TEKT3: variants seen among roughly 807,000 people sequenced by gnomAD.
TEKT3 encodes the protein tektin 3.
TEKT3 carries 49 observed loss-of-function variants against 49.8 expected under a neutral mutation model. The ratio of observed to expected loss-of-function variants is 0.98; its 90% CI spans 0.78 to 1.25. The LOEUF is 1.25. TEKT3 is among the 50% of genes most tolerant of loss of function. The pLI is 0.00. For synonymous variants in TEKT3, 225 were observed against 237.2 expected (o/e 0.95, Z 0.47); for missense variants, 595 against 629.5 (o/e 0.95, Z 0.59).
Position 15,331,390 on chromosome 17 carries a change from C to A in TEKT3, c.196G>T (p.Ala66Ser). 1 of 1,614,052 alleles carries A rather than the reference C, an allele frequency of 6.2e-7. No individual in the cohort carries two copies. The highest frequency in any genetic ancestry group is 8.5e-7 in the Non-Finnish European group (1 of 1,180,006). ...YKVASNSPSV[A>S]PYCTRSQRVS... ...CTCTGTGATCTGGTGCAGTACGGGG[C>A]CACGCTTGGGGAATTGGAGGCGACT... The change falls in exon 3 of 9, where the codon GCC (alanine) becomes TCC (serine). Residue 66 changes from alanine to serine, a missense_variant. Physicochemically the swap from Ala to Ser is moderately conservative, Grantham distance 99. Coordinates refer to ENST00000395930, the MANE Select transcript of TEKT3 (RefSeq NM_031898.3).
At position 15,314,192 on chromosome 17, in the gene TEKT3, AG is replaced by A; in HGVS notation, c.772del (p.Leu258Ter). 1 of 1,614,174 alleles carries A rather than the reference AG, an allele frequency of 6.2e-7. No individual in the cohort carries two copies. Among genetic ancestry groups the A allele is most frequent in the Non-Finnish European group, 8.5e-7 (1 of 1,180,036 alleles). Reference sequence around the variant, plus strand: ...CCGGTAAGCCGTCTGTTTGTCACTCAGGTCCTTTTCCAGCTCATGCTGGGAC... The same window carrying A: ...CCGGTAAGCCGTCTGTTTGTCACTCAGTCCTTTTCCAGCTCATGCTGGGAC... The part of the protein sequence containing the change: ...RASQHELEKD[L>X]SDKQTAYRID... On this transcript the variant is annotated frameshift_variant, in exon 6 of 9. Transcript: ENST00000395930. LOFTEE classifies it high-confidence loss of function.
chr17:15,341,141 G>C (rs1325618813), intron 1 of TEKT3, among the ~76,000 whole-genome samples: 1 of 152,166 alleles, frequency 6.6e-6, no homozygotes, highest in Admixed American at 6.5e-5. Context: ...TGAAGCAGAG[G>C]GGGACGAGGA....
At position 15,303,979 on chromosome 17, in the gene TEKT3, CG is replaced by C; in HGVS notation, c.1429del (p.Arg477AlafsTer47). ...YIDQEKCMSM[R>X]KSYPNTLRLV... is the part of the protein sequence containing the mutation. ...CCGGAGGGTGTTGGGGTAGCTCTTG[CG>C]CATGCTCATGCATTTTTCCTGGTCG... On this transcript the variant is annotated frameshift_variant, in exon 9 of 9. Coordinates refer to ENST00000395930, the MANE Select transcript of TEKT3 (RefSeq NM_031898.3). LOFTEE classifies it high-confidence loss of function. 1.2e-6 allele frequency: 2 copies of C among 1,614,124 alleles called. No homozygotes were observed. Among genetic ancestry groups the C allele is most frequent in the Non-Finnish European group, 1.7e-6 (2 of 1,180,034 alleles).
At position 15,336,342 on chromosome 17, in the gene TEKT3, C is replaced by A. The variant is rs114327537; in HGVS notation, c.-30+3686G>T. Among the ~76,000 whole-genome samples the A allele has an allele frequency of 5.7e-3, 869 of 152,072 alleles. 10 individuals carry two copies. Among genetic ancestry groups the A allele is most frequent in the African/African-American group, 0.02 (827 of 41,478 alleles). ...TAAAAGGGCTGGAAGAAAGTGTAAG[C>A]CTCAAATTCTATATCTAGTGAAAAT... On this transcript the variant is annotated intron_variant, in intron 2 of 8. Coordinates refer to ENST00000395930, the MANE Select transcript of TEKT3 (RefSeq NM_031898.3).
At chr17:15,335,172 A>T (rs568281610) in intron 2 of TEKT3, among the ~76,000 whole-genome samples, 1 of 152,344 alleles carries the variant, frequency 6.6e-6, no homozygotes, top group South Asian at 2.1e-4. Flanking sequence ...TGAGTTGAGA[A>T]AGTGATCAGA....
intron 5 of TEKT3, 85 bp from the exon 6 acceptor site, chr17:15,314,315 C>A: frequency 6.5e-7 from 1 of 1,547,764 alleles, no homozygotes; most frequent in Non-Finnish European, 8.8e-7. Flanking sequence ...CATATTGGGA[C>A]CTCTCTCACT....
intron 6 of TEKT3, among the ~76,000 whole-genome samples, chr17:15,312,911 G>A (rs1910833122): frequency 6.6e-6 from 1 of 152,200 alleles, no homozygotes; most frequent in African/African-American, 2.4e-5. Flanking sequence ...AGCATATTTA[G>A]AAAAAGTTTC....
chr17:15,314,578 T>C (rs867754241), intron 5 of TEKT3, among the ~76,000 whole-genome samples: 5 of 152,330 alleles, frequency 3.3e-5, no homozygotes, highest in Middle Eastern at 3.4e-3. Context: ...GGGTTCAAAG[T>C]AATCTGTCCA....
At chr17:15,339,341 T>C (rs1399503229) in intron 2 of TEKT3, among the ~76,000 whole-genome samples, 3 of 152,192 alleles carry the variant, frequency 2.0e-5, no homozygotes, top group African/African-American at 4.8e-5. Flanking sequence ...TATTCTGTTA[T>C]AGCAGCAGAA....
At chr17:15,314,411 G>A (rs574584371) in intron 5 of TEKT3, 181 bp from the exon 6 acceptor site, 19 of 680,100 alleles carry the variant, frequency 2.8e-5, no homozygotes, top group African/African-American at 7.5e-5. Context: ...ATACCTCTAC[G>A]TCACTGGGAC....
At chr17:15,306,898 G>A (rs906657103) in intron 8 of TEKT3, 25 of 152,182 alleles carry the variant, frequency 1.6e-4, no homozygotes, top group African/African-American at 5.8e-4. Flanking sequence ...CTGTCTAGGG[G>A]CCCATGTAGT....
chr17:15,338,015 T>C (rs1018527860), intron 2 of TEKT3, among the ~76,000 whole-genome samples: 3 of 152,156 alleles, frequency 2.0e-5, no homozygotes, highest in Non-Finnish European at 4.4e-5. Context: ...CAAGGAGATA[T>C]AGCAATATTA....
At chr17:15,330,866 T>C (rs1911694387) in intron 3 of TEKT3, 141 bp downstream of exon 3, 4 of 888,316 alleles carry the variant, frequency 4.5e-6, no homozygotes, top group African/African-American at 1.7e-5. Flanking sequence ...TTGCCATTGC[T>C]GAAAACAGTC....
rs758717365 is a variant in TEKT3, at chr17:15,327,942, T to A, written c.663+50A>T. ...CTTTTTTGCTTCTACATATTCAACA[T>A]ACATTTACAACTAAGCTGCCTGTGA... is the stretch of plus-strand genomic sequence containing the variant. On this transcript the variant is annotated intron_variant, in intron 4 of 8. Transcript: ENST00000395930. 4.6e-6 allele frequency: 7 copies of A among 1,518,598 alleles called. No homozygotes were observed. The South Asian group carries it at 6.7e-5, about 15-fold the overall frequency. The allele number at this position is 1,518,598 out of a possible 1,614,324, so 94.1% of individuals were successfully genotyped here. A position where few individuals can be genotyped will look rare whatever the true frequency, so the allele number is the denominator to read the frequency against.
chr17:15,334,683 C>T (rs1352348226), intron 2 of TEKT3, among the ~76,000 whole-genome samples: 1 of 152,174 alleles, frequency 6.6e-6, no homozygotes, highest in African/African-American at 2.4e-5. Context: ...TTACAGATCA[C>T]AGAAGTAGAA....
At position 15,319,154 on chromosome 17, in the gene TEKT3, A is replaced by G. The variant is rs201125307; in HGVS notation, c.664-7T>C. The G allele has an allele frequency of 1.3e-6, 2 of 1,596,026 alleles. No individual in the cohort carries two copies. Among genetic ancestry groups the G allele is most frequent in the African/African-American group, 2.7e-5 (2 of 74,326 alleles). ...ACAGAATAGTATCAACTTCCTACTC[A>G]ATTGGAAAAAAAACATATTAATGTT... is the stretch of plus-strand genomic sequence containing the variant. On this transcript the variant is annotated splice_polypyrimidine_tract_variant and splice_region_variant and intron_variant, in intron 4 of 8. Coordinates refer to ENST00000395930, the MANE Select transcript of TEKT3 (RefSeq NM_031898.3).
intron 7 of TEKT3, chr17:15,310,791 T>C (rs1226042882): frequency 6.6e-6 from 1 of 152,170 alleles, no homozygotes; most frequent in Non-Finnish European, 1.5e-5. Flanking sequence ...TAAAAGGCCT[T>C]TAGAATGTCT....
chr17:15,308,883 C>T (rs1910653532), intron 7 of TEKT3, 65 bp from the exon 8 acceptor site: 5 of 1,577,016 alleles, frequency 3.2e-6, no homozygotes, highest in South Asian at 2.3e-5. Context: ...CGCCTCCCAC[C>T]TCTTGCCTGT....
intron 5 of TEKT3, among the ~76,000 whole-genome samples, chr17:15,315,988 T>C (rs1910988824): frequency 6.6e-6 from 1 of 152,208 alleles, no homozygotes; most frequent in Non-Finnish European, 1.5e-5. Flanking sequence ...TTCAAGCAAA[T>C]CACTTGACCT....
Sources: gnomAD v4.1 joint callset for allele counts (sites outside exome capture counted in the v4.1 genomes callset) on GRCh38, gnomAD v4.1.1 for gene constraint, MANE v1.5 for transcripts, NCBI Gene and HGNC (gene_info 2026-07-23, HGNC 2026-07-21) for gene names.